SLC35A1: variants seen among roughly 807,000 people sequenced by gnomAD.
SLC35A1 encodes the protein CMP-sialic acid transporter.
In SLC35A1, 21 loss-of-function variants were observed where a neutral mutation model predicts 40.3. That is an observed-to-expected ratio of 0.52 (90% CI 0.37 to 0.75). The LOEUF (loss-of-function observed/expected upper bound fraction) is 0.75. Ranked by LOEUF, SLC35A1 falls within the 30% of genes least tolerant of loss-of-function variation. The probability of loss-of-function intolerance (pLI) is 0.00; values close to 1 mark genes in which losing one functional copy is unlikely to be tolerated. For synonymous variants in SLC35A1, 146 were observed against 147.3 expected, an observed-to-expected ratio of 0.99 and a Z score of 0.06; for missense variants, 297 against 382.1, an observed-to-expected ratio of 0.78 and a Z score of 1.86.
At chr6:87,487,191 A>G (rs1769415168) in intron 2 of SLC35A1, among the ~76,000 whole-genome samples, 1 of 152,218 alleles carries the variant, frequency 6.6e-6, no homozygotes, top group South Asian at 2.1e-4. Flanking sequence ...AAAAAAAAGA[A>G]AAAGAAAGTC....
In SLC35A1 at chr6:87,499,761, C is replaced by T. The variant is rs575594584; in HGVS notation, c.195-747C>T. ...TAATACTGACCTGACTCTTCCTAAC[C>T]CACTTAACGAACTACCAAAGCCTTT... On this transcript the variant is annotated intron_variant, in intron 2 of 7. Transcript: ENST00000369552. 6.4e-3 allele frequency among the ~76,000 whole-genome samples: 768 copies of T among 120,680 alleles called. 11 individuals are homozygous for T. The highest frequency in any genetic ancestry group is 0.023 in the African/African-American group (741 of 31,930). 79.2% of individuals were successfully genotyped at this position (120,680 alleles called of 152,430 possible).
chr6:87,511,392 T>G lies in SLC35A1; in HGVS notation c.887-7T>G, dbSNP rs1226852049. On this transcript the variant is annotated splice_polypyrimidine_tract_variant and splice_region_variant and intron_variant, in intron 7 of 7. Transcript: ENST00000369552. ...ACAGATAAAGCTATTTTTTTTTTTC[T>G]TTTCAGCACTCACCTTTGCCCTGGG... 1 of 1,613,576 alleles carries G rather than the reference T, an allele frequency of 6.2e-7. No individual in the cohort carries two copies. The highest frequency in any genetic ancestry group is 8.5e-7 in the Non-Finnish European group (1 of 1,179,756).
In SLC35A1 at chr6:87,511,722, T is replaced by C. The variant is rs959179227; in HGVS notation, c.*196T>C. ...ATACAGAAACTTAATGTAGACCTGT[T>C]TGGGGTCTACTATTGTTTTAGAATG... On this transcript the variant is annotated 3_prime_UTR_variant, in exon 8 of 8. Coordinates refer to ENST00000369552, the MANE Select transcript of SLC35A1 (RefSeq NM_006416.5). 10 of 622,932 alleles carry C rather than the reference T, an allele frequency of 1.6e-5. No individual in the cohort carries two copies. The highest frequency in any genetic ancestry group is 2.6e-5 in the Non-Finnish European group (9 of 346,870). The allele number at this position is 622,932 out of a possible 1,614,324, so 38.6% of individuals were successfully genotyped here. A position where few individuals can be genotyped will look rare whatever the true frequency, so the allele number is the denominator to read the frequency against.
rs751183832 is a variant in SLC35A1 at position 87,477,384 on chromosome 6, GT to G, written c.41del (p.Leu14TyrfsTer6). On this transcript the variant is annotated frameshift_variant, in exon 2 of 8. Coordinates refer to ENST00000369552, the MANE Select transcript of SLC35A1 (RefSeq NM_006416.5). LOFTEE classifies it high-confidence loss of function. ...PRDNVTLLFKLYCLAVMTLMA... is the reference protein window; with the variant it reads ...PRDNVTLLFKXYCLAVMTLMA... ...CAGACAATGTCACTTTATTATTCAA[GT>G]TATACTGCTTGGCAGTGATGACCCT... The G allele has an allele frequency of 1.9e-6, 3 of 1,613,486 alleles. No homozygotes were observed. The highest frequency in any genetic ancestry group is 2.5e-6 in the Non-Finnish European group (3 of 1,179,926).
At chr6:87,480,072 C>T (rs557349767) in intron 2 of SLC35A1, among the ~76,000 whole-genome samples, 8 of 152,220 alleles carry the variant, frequency 5.3e-5, no homozygotes, top group Non-Finnish European at 1.0e-4. Flanking sequence ...ACCATACATC[C>T]GCTCAGGGAT....
intron 4 of SLC35A1, 137 bp downstream of exon 4, chr6:87,501,447 T>G: frequency 1.2e-6 from 1 of 844,100 alleles, no homozygotes. Flanking sequence ...TAGATAGGCC[T>G]TTTTTCTTTA....
chr6:87,509,839 G>T (rs2127977947), intron 7 of SLC35A1, among the ~76,000 whole-genome samples: 1 of 152,194 alleles, frequency 6.6e-6, no homozygotes, highest in South Asian at 2.1e-4. Context: ...CAATGATATT[G>T]ACTTAACATT....
chr6:87,510,820 G>A (rs1316742119), intron 7 of SLC35A1, among the ~76,000 whole-genome samples: 2 of 151,394 alleles, frequency 1.3e-5, no homozygotes, highest in African/African-American at 2.4e-5. Context: ...GCGGTGAGCC[G>A]AGATTGCGCC....
intron 2 of SLC35A1, among the ~76,000 whole-genome samples, chr6:87,492,267 T>G (rs1018408345): frequency 6.6e-6 from 1 of 152,166 alleles, no homozygotes; most frequent in Non-Finnish European, 1.5e-5. Context: ...TTATTTTTCT[T>G]GGACTTCAGT....
intron 5 of SLC35A1, chr6:87,507,130 T>A (rs1770111254): frequency 6.6e-6 from 1 of 152,348 alleles, no homozygotes; most frequent in African/African-American, 2.4e-5. Context: ...GTTTTTAATA[T>A]ATTCTGCTTA....
intron 1 of SLC35A1, among the ~76,000 whole-genome samples, chr6:87,476,002 A>C (rs1769058263): frequency 6.6e-6 from 1 of 150,924 alleles, no homozygotes; most frequent in Non-Finnish European, 1.5e-5. Flanking sequence ...GGAAAGTAGA[A>C]ATAGTTTGAT....
At chr6:87,486,970 A>G (rs1322467718) in intron 2 of SLC35A1, among the ~76,000 whole-genome samples, 3 of 152,098 alleles carry the variant, frequency 2.0e-5, no homozygotes, top group Non-Finnish European at 4.4e-5. Flanking sequence ...TGAGGTCAGG[A>G]GTTCAAGACC....
chr6:87,473,995 T>C (rs1768996802), intron 1 of SLC35A1, among the ~76,000 whole-genome samples: 1 of 152,286 alleles, frequency 6.6e-6, no homozygotes, highest in Non-Finnish European at 1.5e-5. Flanking sequence ...TTTAGTTGCA[T>C]ATGCTTCTCT....
Position 87,477,506 on chromosome 6 carries a change from T to C in SLC35A1, c.161T>C (p.Ile54Thr), listed in dbSNP as rs1181245202. The C allele has an allele frequency of 6.2e-7, 1 of 1,614,094 alleles. No individual in the cohort carries two copies. Among genetic ancestry groups the C allele is most frequent in the Admixed American group, 1.7e-5 (1 of 60,018 alleles). The change falls in exon 2 of 8, where the codon ATA becomes ACA. Residue 54 changes from isoleucine (I) to threonine (T), a missense_variant. Physicochemically the swap from Ile to Thr is moderately conservative, Grantham distance 89 (BLOSUM62 -1). Transcript: ENST00000369552. ...ACAGCCGTGTGTATCACAGAAGTTATAAAGTTATTGCTAAGTGTGGGAATT... is the reference window on the plus strand; with the variant it reads ...ACAGCCGTGTGTATCACAGAAGTTACAAAGTTATTGCTAAGTGTGGGAATT... ...STTAVCITEV[I>T]KLLLSVGILA...
chr6:87,477,746 C>T (rs1436919819), intron 2 of SLC35A1, among the ~76,000 whole-genome samples: 1 of 152,146 alleles, frequency 6.6e-6, no homozygotes, highest in Non-Finnish European at 1.5e-5. Context: ...AAGGATGCTG[C>T]TAAACATCCT....
At chr6:87,499,614 T>A (rs576511542) in intron 2 of SLC35A1, among the ~76,000 whole-genome samples, 5 of 152,184 alleles carry the variant, frequency 3.3e-5, no homozygotes, top group Non-Finnish European at 5.9e-5. Context: ...TAGTTTACTT[T>A]TGTTGGAGTT....
intron 4 of SLC35A1, among the ~76,000 whole-genome samples, chr6:87,502,835 C>T (rs1284713571): frequency 2.6e-5 from 4 of 152,190 alleles, no homozygotes; most frequent in Non-Finnish European, 5.9e-5. Context: ...TCTGTCTGCA[C>T]TGCCATGCAC....
chr6:87,474,428 C>CT (rs1348347860), intron 1 of SLC35A1, among the ~76,000 whole-genome samples: 2 of 152,138 alleles, frequency 1.3e-5, no homozygotes, highest in African/African-American at 4.8e-5. Flanking sequence ...CACACAAACA[C>CT]TATATGGGAG....
intron 1 of SLC35A1, 130 bp downstream of exon 1, chr6:87,473,149 G>T (rs1037057849): frequency 1.5e-5 from 6 of 399,490 alleles, no homozygotes; most frequent in Non-Finnish European, 1.3e-5. Flanking sequence ...TGGCTGAGGC[G>T]TCAGGAGTTT....
Sources: allele counts gnomAD v4.1 joint callset (sites outside exome capture counted in the v4.1 genomes callset), GRCh38; gene constraint gnomAD v4.1.1; transcripts MANE v1.5; gene names NCBI Gene and HGNC (gene_info 2026-07-23, HGNC 2026-07-21).